The following NCAPD3 variants were observed in gnomAD, a reference collection of about 807,000 sequenced individuals.
NCAPD3 encodes the protein non-SMC condensin II complex subunit D3.
Under a neutral mutation model 182.9 loss-of-function variants are expected in NCAPD3, and 105 were observed. That is an observed-to-expected ratio of 0.57 (90% confidence interval 0.49 to 0.68). The LOEUF is 0.68. NCAPD3 is among the 30% of genes least tolerant of loss of function. NCAPD3 has a pLI of 0.00. For synonymous variants in NCAPD3, 815 were observed against 679.9 expected, an observed-to-expected ratio of 1.20 and a Z score of -3.09; for missense variants, 1,944 against 1,837.0, an observed-to-expected ratio of 1.06 and a Z score of -1.07.
At chr11:134,209,626 CT>C (rs1937752155) in intron 4 of NCAPD3, 149 bp from the exon 5 acceptor site, 9 of 667,086 alleles carry the variant, frequency 1.3e-5, no homozygotes, top group Non-Finnish European at 2.0e-5. Context: ...CATGACTGTT[CT>C]AGGTCTCCTT....
intron 15 of NCAPD3, among the ~76,000 whole-genome samples, chr11:134,193,386 T>C (rs956589790): frequency 4.6e-5 from 7 of 152,244 alleles, no homozygotes; most frequent in Non-Finnish European, 7.3e-5. Context: ...TATGCCCTAA[T>C]TGACTAAATT....
intron 2 of NCAPD3, among the ~76,000 whole-genome samples, chr11:134,217,662 C>T (rs1938076773): frequency 6.6e-6 from 1 of 152,226 alleles, no homozygotes; most frequent in East Asian, 1.9e-4. Flanking sequence ...CTACTAAACA[C>T]ATGAAGAAGA....
Position 134,153,149 on chromosome 11 carries a change from G to C in NCAPD3, c.4379C>G (p.Pro1460Arg). ...ACACTGCTAAACTTACGGTTTATCA[G>C]GCAGTGATAAACATAAGATGTCATT... is the stretch of plus-strand genomic sequence containing the variant. Reference protein sequence around the residue: ...QGNDILCLSLPDKPPPQPQQW... With the variant: ...QGNDILCLSLRDKPPPQPQQW... The change falls in exon 34 of 35, where the codon CCT becomes CGT. Residue 1460 changes from proline (P) to arginine (R), a missense_variant. Pro to Arg is a moderately radical substitution (Grantham distance 103). Transcript: ENST00000534548. 1 of 1,613,958 alleles carries C rather than the reference G, an allele frequency of 6.2e-7. No homozygotes were observed. The highest frequency in any genetic ancestry group is 8.5e-7 in the Non-Finnish European group (1 of 1,179,836).
At chr11:134,182,616 T>A (rs1944321405) in intron 19 of NCAPD3, among the ~76,000 whole-genome samples, 1 of 152,202 alleles carries the variant, frequency 6.6e-6, no homozygotes, top group Non-Finnish European at 1.5e-5. Flanking sequence ...TACTGAACTA[T>A]CAGCCAGCAC....
rs1351499302 is a variant in NCAPD3, at chr11:134,177,213, A to G, written c.3021+6T>C. 4 of 1,602,788 alleles carry G rather than the reference A, an allele frequency of 2.5e-6. No individual in the cohort carries two copies. The highest frequency in any genetic ancestry group is 2.2e-5 in the South Asian group (2 of 90,820). Reference sequence around the variant, plus strand: ...GGGAAAGGACAGATTGAACCCCCCTACGCACCTGCAAGAGATTGGTAAGCA... The same window carrying G: ...GGGAAAGGACAGATTGAACCCCCCTGCGCACCTGCAAGAGATTGGTAAGCA... On this transcript the variant is annotated splice_donor_region_variant and intron_variant, in intron 23 of 34. Transcript: ENST00000534548.
intron 13 of NCAPD3, among the ~76,000 whole-genome samples, chr11:134,197,340 G>A (rs1944653779): frequency 1.5e-5 from 2 of 136,812 alleles, no homozygotes. Flanking sequence ...GCAGTCGCAT[G>A]ATATTGGCTC....
intron 23 of NCAPD3, 52 bp from the exon 24 acceptor site, chr11:134,176,438 TCACTGTTCCCAGC>T: frequency 1.3e-6 from 2 of 1,513,790 alleles, no homozygotes; most frequent in Non-Finnish European, 1.8e-6. Flanking sequence ...TGGGCAAGCC[TCACTGTTCCCAGC>T]CACACCCCAC....
rs201730921 is a variant in NCAPD3 at position 134,209,254 on chromosome 11, G to C, written c.733-48C>G. ...AGGCCTGATTTTTTCTACTGATCAG[G>C]TATTAGCCATAGTCTAATCCTTTGA... On this transcript the variant is annotated intron_variant, in intron 5 of 34. Coordinates refer to ENST00000534548, the MANE Select transcript of NCAPD3 (RefSeq NM_015261.3). 14 of 1,608,886 alleles carry C rather than the reference G, an allele frequency of 8.7e-6. No homozygotes were observed. The African/African-American group carries it at 1.5e-4, about 17-fold the overall frequency.
Position 134,220,649 on chromosome 11 carries a change from C to CT in NCAPD3, c.141dup (p.Glu48ArgfsTer12). On this transcript the variant is annotated frameshift_variant, in exon 2 of 35. Coordinates refer to ENST00000534548, the MANE Select transcript of NCAPD3 (RefSeq NM_015261.3). LOFTEE classifies it high-confidence loss of function. ...TTTGTGAATGCAGCCAATCCAGTCTCTATGATCTCTGCTTCTATGCTGGGA... is the reference window on the plus strand; with the variant it reads ...TTTGTGAATGCAGCCAATCCAGTCTCTTATGATCTCTGCTTCTATGCTGGGA... The CT allele has an allele frequency of 1.2e-6, 2 of 1,614,066 alleles. No homozygotes were observed. The highest frequency in any genetic ancestry group is 1.7e-6 in the Non-Finnish European group (2 of 1,179,914).
intron 16 of NCAPD3, among the ~76,000 whole-genome samples, chr11:134,191,677 A>T (rs1944527849): frequency 6.6e-6 from 1 of 152,248 alleles, no homozygotes; most frequent in African/African-American, 2.4e-5. Context: ...AAAAAGCAGT[A>T]GACTCTATTA....
At position 134,204,779 on chromosome 11, in the gene NCAPD3, TTAAG is replaced by T. The variant is rs1944815917; in HGVS notation, c.1089+116_1089+119del. The T allele has an allele frequency of 8.0e-6, 6 of 751,608 alleles. No individual in the cohort carries two copies. The highest frequency in any genetic ancestry group is 1.0e-5 in the Non-Finnish European group (5 of 477,808). 46.6% of individuals were successfully genotyped at this position (751,608 alleles called of 1,614,324 possible). A position where few individuals can be genotyped will look rare whatever the true frequency, so the allele number is the denominator to read the frequency against. Reference sequence around the variant, plus strand: ...CTAGTGAACATTAAATAAAACCACTTTAAGTAACAATGCACACTCATTCCCAAGA... The same window carrying T: ...CTAGTGAACATTAAATAAAACCACTTTAACAATGCACACTCATTCCCAAGA... On this transcript the variant is annotated intron_variant, in intron 9 of 34. Coordinates refer to ENST00000534548, the MANE Select transcript of NCAPD3 (RefSeq NM_015261.3). The surrounding 1 kb of genome is among the most constrained non-coding windows in gnomAD (Gnocchi z 4.3).
At chr11:134,154,219 C>A (rs570791392) in intron 32 of NCAPD3, among the ~76,000 whole-genome samples, 1 of 152,278 alleles carries the variant, frequency 6.6e-6, no homozygotes, top group Admixed American at 6.5e-5. Flanking sequence ...TTAGCAGCCA[C>A]TGTCATTTAT....
Position 134,159,891 on chromosome 11 carries a change from C to T in NCAPD3, c.3867+1G>A. 6.2e-7 allele frequency: 1 copy of T among 1,611,700 alleles called. No individual in the cohort carries two copies. Among genetic ancestry groups the T allele is most frequent in the Non-Finnish European group, 8.5e-7 (1 of 1,179,546 alleles). On this transcript the variant is annotated splice_donor_variant, in intron 29 of 34. Coordinates refer to ENST00000534548, the MANE Select transcript of NCAPD3 (RefSeq NM_015261.3). LOFTEE classifies it high-confidence loss of function. ...CACAGTGCAGTGGGCCCCACACCTACCTGTGCCACAGGTGCCACCTCAGCA... is the reference window on the plus strand; with the variant it reads ...CACAGTGCAGTGGGCCCCACACCTATCTGTGCCACAGGTGCCACCTCAGCA...
chr11:134,214,700 C>T (rs1296763195), intron 3 of NCAPD3, among the ~76,000 whole-genome samples: 1 of 152,150 alleles, frequency 6.6e-6, no homozygotes, highest in African/African-American at 2.4e-5. Flanking sequence ...AAATCACCAA[C>T]ATCAGGCATG....
chr11:134,199,559 C>T (rs1303414035), intron 13 of NCAPD3, among the ~76,000 whole-genome samples: 6 of 152,190 alleles, frequency 3.9e-5, no homozygotes, highest in Non-Finnish European at 5.9e-5. Flanking sequence ...GATACACTCT[C>T]ACGATGCTGG....
intron 13 of NCAPD3, among the ~76,000 whole-genome samples, chr11:134,196,503 G>A (rs183357207): frequency 2.4e-4 from 37 of 151,966 alleles, no homozygotes; most frequent in Non-Finnish European, 5.3e-4. Flanking sequence ...AAAATTTGCC[G>A]GGTGTGGGGG....
At chr11:134,153,654 CCCCTGTCCCGGTGACCG>C (rs1480425011) in intron 32 of NCAPD3, 1 of 477,740 alleles carries the variant, frequency 2.1e-6, no homozygotes, top group African/African-American at 2.0e-5. Flanking sequence ...TCCATCATTG[CCCCTGTCCCGGTGACCG>C]CCCTGTCCCA....
chr11:134,170,452 C>T (rs567917584), intron 24 of NCAPD3, among the ~76,000 whole-genome samples: 1 of 152,216 alleles, frequency 6.6e-6, no homozygotes, highest in Non-Finnish European at 1.5e-5. Flanking sequence ...AAAAAAACCA[C>T]TAAACAAACA....
intron 16 of NCAPD3, among the ~76,000 whole-genome samples, chr11:134,189,325 C>T (rs1319351492): frequency 2.0e-5 from 3 of 152,006 alleles, no homozygotes; most frequent in Non-Finnish European, 4.4e-5. Flanking sequence ...CATTTCTTTT[C>T]CTCAAGTTTA....
Sources: gnomAD v4.1 joint callset for allele counts (sites outside exome capture counted in the v4.1 genomes callset) on GRCh38, gnomAD v4.1.1 for gene constraint, Gnocchi (gnomAD v3.1) non-coding constraint, MANE v1.5 for transcripts, NCBI Gene and HGNC (gene_info 2026-07-23, HGNC 2026-07-21) for gene names.